Variants in PIGU observed in about 807,000 individuals in gnomAD.
The protein encoded by PIGU is phosphatidylinositol glycan anchor biosynthesis class U.
A neutral mutation model predicts 49.9 loss-of-function variants in PIGU; 24 were observed. The ratio of observed to expected loss-of-function variants is 0.48; its 90% CI spans 0.35 to 0.68. The LOEUF (loss-of-function observed/expected upper bound fraction) is 0.68. PIGU is among the 30% of genes least tolerant of loss of function. The probability of loss-of-function intolerance (pLI) is 0.01; values close to 1 mark genes in which losing one functional copy is unlikely to be tolerated. For missense variants in PIGU, 490 were observed against 532.6 expected (o/e 0.92, Z 0.79); for synonymous variants, 220 against 205.7 (o/e 1.07, Z -0.59).
intron 7 of PIGU, among the ~76,000 whole-genome samples, chr20:34,595,558 G>T (rs574841800): frequency 5.0e-4 from 76 of 152,290 alleles, no homozygotes; most frequent in African/African-American, 1.8e-3. Flanking sequence ...GGGACTAGAA[G>T]AACAGGATAG....
At chr20:34,675,654 C>G (rs1987475012) in intron 1 of PIGU, among the ~76,000 whole-genome samples, 1 of 152,162 alleles carries the variant, frequency 6.6e-6, no homozygotes, top group Non-Finnish European at 1.5e-5. Context: ...GAAACCTTAA[C>G]TCTATTCATA....
At chr20:34,594,097 A>G (rs1259346262) in intron 7 of PIGU, among the ~76,000 whole-genome samples, 1 of 146,570 alleles carries the variant, frequency 6.8e-6, no homozygotes, top group African/African-American at 2.6e-5. Context: ...GGATCACTTG[A>G]GCCCAGGAGG....
At chr20:34,623,781 C>T (rs1328144828) in intron 6 of PIGU, among the ~76,000 whole-genome samples, 1 of 152,216 alleles carries the variant, frequency 6.6e-6, no homozygotes, top group African/African-American at 2.4e-5. Context: ...TGGGATCAAA[C>T]TGAGGCTCTT....
chr20:34,566,951 A>G (rs1982793445), intron 11 of PIGU, among the ~76,000 whole-genome samples: 1 of 152,178 alleles, frequency 6.6e-6, no homozygotes, highest in Non-Finnish European at 1.5e-5. Flanking sequence ...AGAGGTTGTT[A>G]ATACAGTGTG....
chr20:34,605,295 T>C (rs1984572785), intron 7 of PIGU, among the ~76,000 whole-genome samples: 2 of 152,134 alleles, frequency 1.3e-5, no homozygotes, highest in Admixed American at 1.3e-4. Flanking sequence ...CCCTTTGATC[T>C]TGTGTCTCAT....
At position 34,560,625 on chromosome 20, in the gene PIGU, A is replaced by AG. The variant is rs1982439950; in HGVS notation, c.*240dup. 4.5e-6 allele frequency: 2 copies of AG among 440,454 alleles called. No homozygotes were observed. The highest frequency in any genetic ancestry group is 3.6e-5 in the East Asian group (1 of 28,156). The allele number at this position is 440,454 out of a possible 1,614,324, so 27.3% of individuals were successfully genotyped here. ...CTGCCTCTTCTCCTTCCTGTCTGGGAGGGGGCTCCTTGGTGTGCAGAGCCA... is the reference window on the plus strand; with the variant it reads ...CTGCCTCTTCTCCTTCCTGTCTGGGAGGGGGGCTCCTTGGTGTGCAGAGCCA... On this transcript the variant is annotated 3_prime_UTR_variant, in exon 12 of 12. Transcript: ENST00000217446.
At chr20:34,585,334 G>A in intron 9 of PIGU, 103 bp downstream of exon 9, 1 of 1,371,256 alleles carries the variant, frequency 7.3e-7, no homozygotes, top group Non-Finnish European at 1.0e-6. Flanking sequence ...CTCTAAACCT[G>A]ACAGCAGGTG....
chr20:34,618,885 G>A (rs941820283), intron 6 of PIGU, among the ~76,000 whole-genome samples: 10 of 152,314 alleles, frequency 6.6e-5, no homozygotes, highest in African/African-American at 1.9e-4. Context: ...TGCTAATCCA[G>A]CTCTAGAGAC....
chr20:34,593,002 T>TAAAA (rs1984053476), intron 7 of PIGU, among the ~76,000 whole-genome samples: 1 of 152,050 alleles, frequency 6.6e-6, no homozygotes, highest in African/African-American at 2.4e-5. Flanking sequence ...TTTTCTGAAA[T>TAAAA]AATGAAATAA....
At chr20:34,606,595 T>C (rs552038087) in intron 7 of PIGU, among the ~76,000 whole-genome samples, 2 of 152,326 alleles carry the variant, frequency 1.3e-5, no homozygotes, top group South Asian at 2.1e-4. Flanking sequence ...TAAGGCTTCA[T>C]TAAGGGTAAC....
Position 34,589,138 on chromosome 20 carries a change from CACACACACACAT to C in PIGU, c.628-543_628-532del, listed in dbSNP as rs1459098005. 9.8e-3 allele frequency among the ~76,000 whole-genome samples: 1,139 copies of C among 115,944 alleles called. 17 individuals carry two copies. The highest frequency in any genetic ancestry group is 0.037 in the African/African-American group (1,096 of 29,386). 76.1% of individuals were successfully genotyped at this position (115,944 alleles called of 152,430 possible). A position where few individuals can be genotyped will look rare whatever the true frequency, so the allele number is the denominator to read the frequency against. On this transcript the variant is annotated intron_variant, in intron 7 of 11. Coordinates refer to ENST00000217446, the MANE Select transcript of PIGU (RefSeq NM_080476.5). Reference sequence around the variant, plus strand: ...ACACACACACACACACACACACACACACACACACACATCTGTAAGTTTCATAAAACATAGATT... The same window carrying C: ...ACACACACACACACACACACACACACCTGTAAGTTTCATAAAACATAGATT...
At position 34,590,745 on chromosome 20, in the gene PIGU, G is replaced by A. The variant is rs572922258; in HGVS notation, c.628-2138C>T. Among the ~76,000 whole-genome samples the A allele has an allele frequency of 6.6e-5, 10 of 152,046 alleles. No homozygotes were observed. In the East Asian group the frequency reaches 1.2e-3, roughly 18 times the overall value. ...CCTTAAAATATAAGACACAGAGGCCGGGCGCGGTAGCTCATGCCTGTAATC... is the reference window on the plus strand; with the variant it reads ...CCTTAAAATATAAGACACAGAGGCCAGGCGCGGTAGCTCATGCCTGTAATC... On this transcript the variant is annotated intron_variant, in intron 7 of 11. Coordinates refer to ENST00000217446, the MANE Select transcript of PIGU (RefSeq NM_080476.5).
At chr20:34,606,234 G>A (rs989535387) in intron 7 of PIGU, among the ~76,000 whole-genome samples, 3 of 135,390 alleles carry the variant, frequency 2.2e-5, no homozygotes, top group Admixed American at 8.3e-5. Flanking sequence ...CAGCCTAGGC[G>A]ACAGAGTGAG....
At chr20:34,649,543 C>T (rs1475379118) in intron 2 of PIGU, among the ~76,000 whole-genome samples, 8 of 147,784 alleles carry the variant, frequency 5.4e-5, no homozygotes, top group African/African-American at 7.5e-5. Context: ...TTTTTTGAGA[C>T]GGAGTCTCGC....
At chr20:34,608,500 T>C (rs912855560) in intron 7 of PIGU, among the ~76,000 whole-genome samples, 1 of 152,230 alleles carries the variant, frequency 6.6e-6, no homozygotes, top group Non-Finnish European at 1.5e-5. Context: ...GACTTAGTCC[T>C]GTTAAGACTT....
intron 4 of PIGU, 137 bp from the exon 5 acceptor site, chr20:34,638,122 C>T: frequency 7.4e-7 from 1 of 1,358,446 alleles, no homozygotes; most frequent in Non-Finnish European, 9.5e-7. Context: ...AGGCTCATCT[C>T]ACACTCGGCC....
At chr20:34,611,668 C>CAAAA (rs149027105) in intron 7 of PIGU, among the ~76,000 whole-genome samples, 1 of 106,478 alleles carries the variant, frequency 9.4e-6, no homozygotes, top group East Asian at 2.7e-4. Flanking sequence ...AAAAAAAAGA[C>CAAAA]AAAAAAAAAA....
chr20:34,572,127 T>C (rs1472253165), intron 11 of PIGU, among the ~76,000 whole-genome samples: 3 of 152,198 alleles, frequency 2.0e-5, no homozygotes, highest in Non-Finnish European at 4.4e-5. Context: ...AACTCCAGCA[T>C]GTGTGTACAA....
intron 11 of PIGU, among the ~76,000 whole-genome samples, chr20:34,574,511 G>C (rs983729339): frequency 4.6e-5 from 7 of 152,112 alleles, no homozygotes; most frequent in African/African-American, 1.4e-4. Flanking sequence ...TGAGCTCCTT[G>C]CTGGTACTCC....
Sources: gnomAD v4.1 joint callset for allele counts (sites outside exome capture counted in the v4.1 genomes callset) on GRCh38, gnomAD v4.1.1 for gene constraint, MANE v1.5 for transcripts, NCBI Gene and HGNC (gene_info 2026-07-23, HGNC 2026-07-21) for gene names.